Variants in MSRA observed in about 807,000 individuals in gnomAD.
MSRA encodes mitochondrial peptide methionine sulfoxide reductase.
Under a neutral mutation model 31.3 loss-of-function variants are expected in MSRA, and 54 were observed. The ratio of observed to expected loss-of-function variants is 1.73; its 90% CI spans 1.39 to 2.17. MSRA has a LOEUF of 2.17. MSRA is among the 30% of genes most tolerant of loss of function. The probability of loss-of-function intolerance (pLI) is 0.00; values close to 1 mark genes in which losing one functional copy is unlikely to be tolerated. For synonymous variants in MSRA, 169 were observed against 116.5 expected (o/e 1.45, Z -2.90); for missense variants, 507 against 300.9 (o/e 1.69, Z -5.07).
intron 5 of MSRA, among the ~76,000 whole-genome samples, chr8:10,419,902 CCTT>C (rs1248965873): frequency 3.9e-5 from 6 of 152,146 alleles, no homozygotes; most frequent in African/African-American, 9.7e-5. Flanking sequence ...TGGGGCAAGT[CCTT>C]CTGCTGTCAC....
chr8:10,202,386 T>C (rs1258454109), intron 1 of MSRA, among the ~76,000 whole-genome samples: 1 of 152,254 alleles, frequency 6.6e-6, no homozygotes, highest in Non-Finnish European at 1.5e-5. Context: ...CTTATTCTTT[T>C]ATCCCTAGAG....
At chr8:10,319,739 C>G (rs1801934380) in intron 4 of MSRA, 144 bp from the exon 5 acceptor site, 1 of 432,228 alleles carries the variant, frequency 2.3e-6, no homozygotes, top group African/African-American at 2.0e-5. Context: ...ATGCTGTAAA[C>G]AGAAAATTAA....
rs150255127 is a variant in MSRA, at chr8:10,347,789, G to A, written c.543+27800G>A. Among the ~76,000 whole-genome samples the A allele has an allele frequency of 1.9e-4, 29 of 152,248 alleles. 1 individual carries two copies. The East Asian group carries it at 5.4e-3, about 28-fold the overall frequency. Reference sequence around the variant, plus strand: ...GCCACACACTTGACTTTTCAATCCCGTTACCCTAGTTGTTTCTAGGACATG... The same window carrying A: ...GCCACACACTTGACTTTTCAATCCCATTACCCTAGTTGTTTCTAGGACATG... On this transcript the variant is annotated intron_variant, in intron 5 of 5. Coordinates refer to ENST00000317173, the MANE Select transcript of MSRA (RefSeq NM_012331.5).
Position 10,065,629 on chromosome 8 carries a change from C to T in MSRA, c.142+10971C>T, listed in dbSNP as rs138349997. ...TCTTAACGTAACGATGGAACTCAAG[C>T]CTGAACTATTTTTGTTCATTAACAA... On this transcript the variant is annotated intron_variant, in intron 1 of 5. Transcript: ENST00000317173. Among the ~76,000 whole-genome samples, 296 of 152,230 alleles carry T rather than the reference C, an allele frequency of 1.9e-3. 2 individuals carry two copies. The highest frequency in any genetic ancestry group is 6.8e-3 in the African/African-American group (281 of 41,526).
At chr8:10,391,358 C>T (rs982825316) in intron 5 of MSRA, among the ~76,000 whole-genome samples, 1 of 152,174 alleles carries the variant, frequency 6.6e-6, no homozygotes, top group Non-Finnish European at 1.5e-5. Flanking sequence ...TGAAAATGGG[C>T]ACAAGTCTTC....
chr8:10,328,753 C>T (rs1264405931), intron 5 of MSRA, among the ~76,000 whole-genome samples: 1 of 152,128 alleles, frequency 6.6e-6, no homozygotes, highest in Non-Finnish European at 1.5e-5. Flanking sequence ...AGTTCAGAAC[C>T]TTTGAATAAG....
chr8:10,158,135 C>T (rs568225030), intron 1 of MSRA, among the ~76,000 whole-genome samples: 1 of 152,156 alleles, frequency 6.6e-6, no homozygotes, highest in African/African-American at 2.4e-5. Flanking sequence ...GGCACTAATC[C>T]CATCCATTAG....
At chr8:10,254,034 C>G (rs1288686208) in intron 3 of MSRA, among the ~76,000 whole-genome samples, 1 of 152,110 alleles carries the variant, frequency 6.6e-6, no homozygotes, top group Non-Finnish European at 1.5e-5. Flanking sequence ...TGCCTCCGAT[C>G]TGCCGGGGAC....
chr8:10,343,129 C>T (rs1803546216), intron 5 of MSRA, among the ~76,000 whole-genome samples: 1 of 152,060 alleles, frequency 6.6e-6, no homozygotes, highest in Non-Finnish European at 1.5e-5. Flanking sequence ...TTTTAGCAGT[C>T]ACTACTTCTA....
intron 5 of MSRA, among the ~76,000 whole-genome samples, chr8:10,397,529 G>A (rs1479119406): frequency 6.6e-6 from 1 of 152,202 alleles, no homozygotes; most frequent in Admixed American, 6.5e-5. Context: ...CACTGGTCCA[G>A]GCTTCAGGGT....
At chr8:10,330,836 T>C (rs771692994) in intron 5 of MSRA, among the ~76,000 whole-genome samples, 1 of 152,206 alleles carries the variant, frequency 6.6e-6, no homozygotes. Flanking sequence ...GAAGCCCGTT[T>C]TGTTGCCCCT....
At chr8:10,057,621 GA>G in intron 1 of MSRA, among the ~76,000 whole-genome samples, 1 of 152,276 alleles carries the variant, frequency 6.6e-6, no homozygotes, top group East Asian at 1.9e-4. Flanking sequence ...AGAGGTGATT[GA>G]AACATGCGGG....
chr8:10,397,201 G>T (rs1054738691), intron 5 of MSRA, among the ~76,000 whole-genome samples: 1 of 152,178 alleles, frequency 6.6e-6, no homozygotes, highest in Admixed American at 6.5e-5. Context: ...TGTTTTATTT[G>T]TGTGAGCCAT....
intron 5 of MSRA, among the ~76,000 whole-genome samples, chr8:10,419,194 C>G (rs973308454): frequency 6.6e-6 from 1 of 152,172 alleles, no homozygotes; most frequent in Admixed American, 6.5e-5. Context: ...TTTGTATCAT[C>G]CCTTGCACCT....
At chr8:10,313,881 A>C (rs976680269) in intron 4 of MSRA, among the ~76,000 whole-genome samples, 1 of 152,352 alleles carries the variant, frequency 6.6e-6, no homozygotes, top group East Asian at 1.9e-4. Context: ...AAGTATGACA[A>C]ATGACACAGT....
chr8:10,170,075 C>G (rs1433139929), intron 1 of MSRA, among the ~76,000 whole-genome samples: 6 of 127,360 alleles, frequency 4.7e-5, no homozygotes, highest in Non-Finnish European at 6.3e-5. Context: ...TAAGTAGAGA[C>G]AGGGTTTCAC....
At chr8:10,185,130 G>A (rs1806904608) in intron 1 of MSRA, among the ~76,000 whole-genome samples, 2 of 152,200 alleles carry the variant, frequency 1.3e-5, no homozygotes, top group African/African-American at 4.8e-5. Context: ...CAGAGCCCCT[G>A]CTGATCTCTC....
intron 5 of MSRA, among the ~76,000 whole-genome samples, chr8:10,359,620 C>T (rs1310890222): frequency 6.6e-6 from 1 of 152,060 alleles, no homozygotes; most frequent in African/African-American, 2.4e-5. Flanking sequence ...TGAAATTTGA[C>T]CAGAGTATTT....
chr8:10,118,024 A>G (rs1800812403), intron 1 of MSRA, among the ~76,000 whole-genome samples: 1 of 152,230 alleles, frequency 6.6e-6, no homozygotes, highest in Non-Finnish European at 1.5e-5. Context: ...GGAAAGATAC[A>G]GACACCAAAT....
Sources: allele counts gnomAD v4.1 joint callset (sites outside exome capture counted in the v4.1 genomes callset), GRCh38; gene constraint gnomAD v4.1.1; transcripts MANE v1.5; gene names NCBI Gene and HGNC (gene_info 2026-07-23, HGNC 2026-07-21).